Variants in MAEA observed in about 807,000 individuals in gnomAD.
MAEA encodes the protein E3 ubiquitin-protein transferase MAEA.
In MAEA, 22 loss-of-function variants were observed where a neutral mutation model predicts 46.2. The observed-to-expected ratio is 0.48, with a 90% CI of 0.34 to 0.68. The LOEUF (loss-of-function observed/expected upper bound fraction) is 0.68, where lower values mean the gene tolerates loss of function less well. MAEA is among the 30% of genes least tolerant of loss of function. MAEA has a pLI of 0.01. For missense variants in MAEA, 393 were observed against 558.1 expected (o/e 0.70, Z 2.98); for synonymous variants, 246 against 222.6 (o/e 1.11, Z -0.94).
intron 3 of MAEA, among the ~76,000 whole-genome samples, chr4:1,321,744 C>T (rs1453376740): frequency 6.6e-6 from 1 of 152,270 alleles, no homozygotes; most frequent in Non-Finnish European, 1.5e-5. Flanking sequence ...GGTGGAGTCC[C>T]GTACCAGCTG....
At chr4:1,294,801 G>T (rs1165631425) in intron 1 of MAEA, among the ~76,000 whole-genome samples, 4 of 148,788 alleles carry the variant, frequency 2.7e-5, no homozygotes, top group South Asian at 4.3e-4. Context: ...GGGGACGGGG[G>T]TGGGGCCGGG....
intron 3 of MAEA, among the ~76,000 whole-genome samples, chr4:1,319,556 C>T (rs761171024): frequency 8.5e-4 from 129 of 151,728 alleles, no homozygotes; most frequent in African/African-American, 2.5e-3. Flanking sequence ...GCTGTGTTGA[C>T]GGGACATGAG....
chr4:1,292,825 G>A lies in MAEA; in HGVS notation c.69+2843G>A, dbSNP rs540539715. ...TTTGCTGTCAAATGCTGTGAACGCC[G>A]TCCGGTGTAGGGTGGTGGGTAATGC... On this transcript the variant is annotated intron_variant, in intron 1 of 8. Transcript: ENST00000303400. 2.3e-3 allele frequency among the ~76,000 whole-genome samples: 343 copies of A among 151,830 alleles called. 5 individuals are homozygous for A. Among genetic ancestry groups the A allele is most frequent in the Middle Eastern group, 6.8e-3 (2 of 292 alleles).
Position 1,332,839 on chromosome 4 carries a change from C to A in MAEA, c.739C>A (p.Pro247Thr). ...GGCCATGGGCATGCTGGCCTTCCCG[C>A]CCGACACGCACATCTCCCCGTACAA... ...RQAMGMLAFP[P>T]DTHISPYKDL... Residue 247 changes from proline to threonine, a missense_variant, in exon 6 of 9, where the codon CCC becomes ACC. Around this residue, in one of 2 missense-constraint regions of MAEA, gnomAD observed 358 missense variants for 537.9 expected, o/e 0.67. Transcript: ENST00000303400. 3 of 1,613,044 alleles carry A rather than the reference C, an allele frequency of 1.9e-6. No homozygotes were observed. The highest frequency in any genetic ancestry group is 2.5e-6 in the Non-Finnish European group (3 of 1,179,726).
At chr4:1,316,502 G>A (rs533302415) in intron 3 of MAEA, among the ~76,000 whole-genome samples, 4 of 152,244 alleles carry the variant, frequency 2.6e-5, no homozygotes, top group Admixed American at 1.3e-4. Context: ...GGACTTGTGC[G>A]AGAGGATTGT....
chr4:1,337,335 T>G (rs1712907396), intron 7 of MAEA: 3 of 260,942 alleles, frequency 1.1e-5, no homozygotes, highest in Middle Eastern at 1.2e-3. Context: ...CCAAGAACCT[T>G]GCCTGTGACT....
chr4:1,321,309 T>G (rs1453080960), intron 3 of MAEA, among the ~76,000 whole-genome samples: 1 of 147,838 alleles, frequency 6.8e-6, no homozygotes, highest in African/African-American at 2.5e-5. Flanking sequence ...AAAAAAGATA[T>G]CATCAAAGCA....
chr4:1,298,003 A>T, intron 1 of MAEA: 1 of 455,554 alleles, frequency 2.2e-6, no homozygotes, highest in Non-Finnish European at 4.4e-6. Context: ...TGCACTGGCC[A>T]CAGAAGCCGC....
intron 3 of MAEA, among the ~76,000 whole-genome samples, chr4:1,317,782 C>T (rs769427611): frequency 6.9e-4 from 105 of 152,356 alleles, no homozygotes; most frequent in Non-Finnish European, 1.2e-3. Context: ...CACTGATCCT[C>T]TGCGGTGACC....
At chr4:1,325,996 A>C (rs1560374043) in intron 4 of MAEA, among the ~76,000 whole-genome samples, 1 of 151,880 alleles carries the variant, frequency 6.6e-6, no homozygotes, top group Non-Finnish European at 1.5e-5. Flanking sequence ...TACAGGGCAG[A>C]GGCAGCAGGG....
At position 1,310,022 on chromosome 4, in the gene MAEA, C is replaced by T. The variant is rs566603837; in HGVS notation, c.70-1957C>T. 13 of 1,186,064 alleles carry T rather than the reference C, an allele frequency of 1.1e-5. No homozygotes were observed. The African/African-American group carries it at 1.9e-4, about 17-fold the overall frequency. 73.5% of individuals were successfully genotyped at this position (1,186,064 alleles called of 1,614,324 possible). On this transcript the variant is annotated intron_variant, in intron 1 of 8. Coordinates refer to ENST00000303400, the MANE Select transcript of MAEA (RefSeq NM_001017405.3). Reference sequence around the variant, plus strand: ...GTGTGCGGATGCTGTGTGGGTTCCTCCGCGCGAGCGAGGGTGGTTGTGCCG... The same window carrying T: ...GTGTGCGGATGCTGTGTGGGTTCCTTCGCGCGAGCGAGGGTGGTTGTGCCG...
chr4:1,333,726 G>A lies in MAEA; in HGVS notation c.765+861G>A, dbSNP rs1333201749. Among the ~76,000 whole-genome samples the A allele has an allele frequency of 2.6e-4, 3 of 11,678 alleles. No individual in the cohort carries two copies. In the South Asian group the frequency reaches 9.7e-3, roughly 38 times the overall value. The allele number at this position is 11,678 out of a possible 152,430, so 7.7% of individuals were successfully genotyped here. A position where few individuals can be genotyped will look rare whatever the true frequency, so the allele number is the denominator to read the frequency against. ...CACCCCCTTGCCCACCCCCATGCCC[G>A]TGCTCACCTCTGCACCCACCCCATG... On this transcript the variant is annotated intron_variant, in intron 6 of 8. Transcript: ENST00000303400.
intron 4 of MAEA, 67 bp downstream of exon 4, chr4:1,322,570 C>T (rs1358316781): frequency 1.9e-6 from 3 of 1,588,024 alleles, no homozygotes; most frequent in African/African-American, 2.7e-5. Flanking sequence ...GCCCTGGAGC[C>T]AGCACCCCCT....
intron 1 of MAEA, among the ~76,000 whole-genome samples, chr4:1,291,371 A>G (rs936088850): frequency 1.3e-5 from 2 of 152,172 alleles, no homozygotes; most frequent in Non-Finnish European, 2.9e-5. Context: ...AGGGAGGGCA[A>G]TGTTGCTGAC....
chr4:1,325,858 C>G (rs1222892620), intron 4 of MAEA, among the ~76,000 whole-genome samples: 3 of 152,214 alleles, frequency 2.0e-5, no homozygotes, highest in African/African-American at 7.2e-5. Context: ...GCACTCCCCA[C>G]CCAGAGCCTG....
At chr4:1,322,651 G>T in intron 4 of MAEA, 148 bp downstream of exon 4, 1 of 1,019,208 alleles carries the variant, frequency 9.8e-7, no homozygotes, top group East Asian at 2.6e-5. Context: ...TTTTTTGGTG[G>T]CTGTGTTACA....
intron 4 of MAEA, among the ~76,000 whole-genome samples, chr4:1,326,533 A>C (rs897395036): frequency 6.6e-6 from 1 of 152,110 alleles, no homozygotes; most frequent in Non-Finnish European, 1.5e-5. Context: ...GGTTGCTGAG[A>C]TTTCAGATTG....
chr4:1,296,973 C>G (rs1734794063), intron 1 of MAEA, among the ~76,000 whole-genome samples: 1 of 152,172 alleles, frequency 6.6e-6, no homozygotes, highest in Non-Finnish European at 1.5e-5. Flanking sequence ...CAGACGGTCT[C>G]CAAGCTCCTG....
chr4:1,311,072 A>G lies in MAEA; in HGVS notation c.70-907A>G, dbSNP rs1414310679. 6.7e-6 allele frequency among the ~76,000 whole-genome samples: 1 copy of G among 148,384 alleles called. No individual in the cohort carries two copies. Among genetic ancestry groups the G allele is most frequent in the African/African-American group, 2.5e-5 (1 of 40,068 alleles). ...GCGGTACCCGAGAGTCTGTCCTCCC[A>G]TGGTTGGGCACGGCTGGAGAGGAGG... is the stretch of plus-strand genomic sequence containing the variant. On this transcript the variant is annotated intron_variant, in intron 1 of 8. Coordinates refer to ENST00000303400, the MANE Select transcript of MAEA (RefSeq NM_001017405.3). The surrounding 1 kb of genome is among the most constrained non-coding windows in gnomAD (Gnocchi z 4.4).
Sources: allele counts gnomAD v4.1 joint callset (sites outside exome capture counted in the v4.1 genomes callset), GRCh38; gene constraint gnomAD v4.1.1; regional missense constraint gnomAD v4.1.1; non-coding constraint Gnocchi (gnomAD v3.1); transcripts MANE v1.5; gene names NCBI Gene and HGNC (gene_info 2026-07-23, HGNC 2026-07-21).